The following SAP130 variants were observed in gnomAD, a reference collection of about 807,000 sequenced individuals.
SAP130 encodes the protein Sin3A associated protein 130.
Under a neutral mutation model 103.2 loss-of-function variants are expected in SAP130, and 16 were observed. The observed-to-expected ratio is 0.16, with a 90% CI of 0.10 to 0.24. SAP130 has a LOEUF of 0.24. SAP130 is among the 10% of genes least tolerant of loss of function. The pLI, the probability that SAP130 is intolerant of heterozygous loss-of-function variation, is 1.00. For missense variants in SAP130, 990 were observed against 1,359.7 expected (o/e 0.73, Z 4.28); for synonymous variants, 477 against 497.0 (o/e 0.96, Z 0.53).
chr2:128,026,420 AT>A, intron 1 of SAP130, 122 bp from the exon 2 acceptor site: 2 of 639,998 alleles, frequency 3.1e-6, no homozygotes, highest in East Asian at 5.2e-5. Context: ...TGCATCATTT[AT>A]TTAAAAACAA....
chr2:127,950,522 A>T, intron 16 of SAP130, 114 bp from the exon 17 acceptor site: 1 of 1,228,436 alleles, frequency 8.1e-7, no homozygotes, highest in Non-Finnish European at 1.1e-6. Context: ...ACCAACATTT[A>T]TTGTCTTCCT....
rs1324619858 is a variant in SAP130, at chr2:127,955,480, A to T, written c.2064-136T>A. 1.8e-5 allele frequency: 10 copies of T among 545,472 alleles called. No homozygotes were observed. Among genetic ancestry groups the T allele is most frequent in the Non-Finnish European group, 1.5e-5 (5 of 335,360 alleles). The allele number at this position is 545,472 out of a possible 1,614,324, so 33.8% of individuals were successfully genotyped here. A position where few individuals can be genotyped will look rare whatever the true frequency, so the allele number is the denominator to read the frequency against. On this transcript the variant is annotated intron_variant, in intron 15 of 20. Transcript: ENST00000643581. The surrounding 1 kb of genome is among the most constrained non-coding windows in gnomAD (Gnocchi z 4.9). Reference sequence around the variant, plus strand: ...AATTTATACTCTATTTCCTTTTTTTAAATTTTTAATTTTAAAAAAATTTTG... The same window carrying T: ...AATTTATACTCTATTTCCTTTTTTTTAATTTTTAATTTTAAAAAAATTTTG...
At chr2:128,025,070 A>C (rs926823015) in intron 2 of SAP130, among the ~76,000 whole-genome samples, 2 of 151,498 alleles carry the variant, frequency 1.3e-5, no homozygotes, top group African/African-American at 2.4e-5. Flanking sequence ...ATCATTTACC[A>C]TAAGGAACAC....
In SAP130 at chr2:128,000,232, G is replaced by A; in HGVS notation, c.1017+75C>T. ...ACAATCAATGCCTTCGGTATCACCA[G>A]GCCCTCAGCACATTTTGCCCACTTT... On this transcript the variant is annotated intron_variant, in intron 8 of 20. Coordinates refer to ENST00000643581, the MANE Select transcript of SAP130 (RefSeq NM_001330301.2). 1.1e-5 allele frequency: 18 copies of A among 1,606,128 alleles called. No individual in the cohort carries two copies. The South Asian group carries it at 1.8e-4, about 16-fold the overall frequency.
At position 127,942,334 on chromosome 2, in the gene SAP130, G is replaced by A. The variant is rs1450716925; in HGVS notation, c.3015+90C>T. 3 of 1,100,844 alleles carry A rather than the reference G, an allele frequency of 2.7e-6. No individual in the cohort carries two copies. Among genetic ancestry groups the A allele is most frequent in the African/African-American group, 3.1e-5 (2 of 64,730 alleles). The allele number at this position is 1,100,844 out of a possible 1,614,324, so 68.2% of individuals were successfully genotyped here. On this transcript the variant is annotated intron_variant, in intron 20 of 20. Coordinates refer to ENST00000643581, the MANE Select transcript of SAP130 (RefSeq NM_001330301.2). The surrounding 1 kb of genome is among the most constrained non-coding windows in gnomAD (Gnocchi z 4.8). The stretch of plus-strand genomic sequence containing the variant: ...GCACGTATGTTTTTACTGAAGATAT[G>A]AGGGAGACGGGGGGAAACGGGAGAA...
In SAP130 at chr2:127,941,474, C is replaced by A. The variant is rs919035727; in HGVS notation, c.*532G>T. On this transcript the variant is annotated 3_prime_UTR_variant, in exon 21 of 21. Coordinates refer to ENST00000643581, the MANE Select transcript of SAP130 (RefSeq NM_001330301.2). ...AATGACAAGAACTAATAGTTCAAAC[C>A]CTTTAGAGTGTGAGATGTGGCAGCT... is the stretch of plus-strand genomic sequence containing the variant. 6.5e-6 allele frequency: 1 copy of A among 153,640 alleles called. No individual in the cohort carries two copies. The highest frequency in any genetic ancestry group is 2.4e-5 in the African/African-American group (1 of 41,388). The allele number at this position is 153,640 out of a possible 1,614,324, so 9.5% of individuals were successfully genotyped here.
chr2:127,957,266 GCAC>G (rs1679906843), intron 15 of SAP130, among the ~76,000 whole-genome samples: 1 of 152,110 alleles, frequency 6.6e-6, no homozygotes, highest in Non-Finnish European at 1.5e-5. Flanking sequence ...TGTAACACTG[GCAC>G]TCCAGCCTGG....
chr2:127,962,333 A>G (rs1299890264), intron 15 of SAP130, among the ~76,000 whole-genome samples: 2 of 152,206 alleles, frequency 1.3e-5, no homozygotes, highest in African/African-American at 4.8e-5. Context: ...TTCCTCAGGG[A>G]TCTAGAACTA....
At chr2:128,009,156 A>T (rs1329883150) in intron 7 of SAP130, among the ~76,000 whole-genome samples, 2 of 151,962 alleles carry the variant, frequency 1.3e-5, no homozygotes, top group African/African-American at 2.4e-5. Flanking sequence ...TTCCTCAGAA[A>T]TCTTCTTGAC....
chr2:127,992,222 A>G (rs1186843421), intron 12 of SAP130, among the ~76,000 whole-genome samples: 1 of 150,116 alleles, frequency 6.7e-6, no homozygotes, highest in Non-Finnish European at 1.5e-5. Flanking sequence ...TCTGCCCACC[A>G]TGGCCTCCCA....
In SAP130 at chr2:127,955,870, G is replaced by A. The variant is rs1197477389; in HGVS notation, c.2064-526C>T. Among the ~76,000 whole-genome samples the A allele has an allele frequency of 2.0e-5, 3 of 152,130 alleles. No individual in the cohort carries two copies. The highest frequency in any genetic ancestry group is 7.2e-5 in the African/African-American group (3 of 41,404). On this transcript the variant is annotated intron_variant, in intron 15 of 20. Coordinates refer to ENST00000643581, the MANE Select transcript of SAP130 (RefSeq NM_001330301.2). The surrounding 1 kb of genome is among the most constrained non-coding windows in gnomAD (Gnocchi z 4.9). ...GTTTTAAAGATATACTGTATGTCCT[G>A]CTCCCAAGTTTTTATAAGCAGTAAT...
At position 127,978,101 on chromosome 2, in the gene SAP130, A is replaced by G. The variant is rs753732859; in HGVS notation, c.1959-12T>C. 3.4e-5 allele frequency: 52 copies of G among 1,547,188 alleles called. No individual in the cohort carries two copies. The highest frequency in any genetic ancestry group is 4.4e-5 in the Non-Finnish European group (50 of 1,143,038). ...TCCGAACTGCCATTCTGAAAGAGAC[A>G]AGAGACAAACCCGGAGAACAGCAGT... is the stretch of plus-strand genomic sequence containing the variant. On this transcript the variant is annotated splice_polypyrimidine_tract_variant and intron_variant, in intron 14 of 20. Transcript: ENST00000643581.
rs1046000664 is a variant in SAP130 at position 127,986,571 on chromosome 2, C to G, written c.1958+214G>C. ...TGCAACAGATGCTTACAAACTAACA[C>G]CTCACTGACTCCAGGATTTGTTAAG... On this transcript the variant is annotated intron_variant, in intron 14 of 20. Coordinates refer to ENST00000643581, the MANE Select transcript of SAP130 (RefSeq NM_001330301.2). The surrounding 1 kb of genome is among the most constrained non-coding windows in gnomAD (Gnocchi z 4.7). Among the ~76,000 whole-genome samples the G allele has an allele frequency of 6.6e-6, 1 of 152,178 alleles. No individual in the cohort carries two copies. The highest frequency in any genetic ancestry group is 2.4e-5 in the African/African-American group (1 of 41,446).
intron 15 of SAP130, among the ~76,000 whole-genome samples, chr2:127,974,522 T>A (rs1379902912): frequency 1.3e-5 from 2 of 152,152 alleles, no homozygotes; most frequent in Non-Finnish European, 2.9e-5. Context: ...CCCATAAGAT[T>A]ATAATTTCTG....
At chr2:128,017,945 T>C in intron 2 of SAP130, 30 bp from the exon 3 acceptor site, 1 of 1,558,730 alleles carries the variant, frequency 6.4e-7, no homozygotes, top group Non-Finnish European at 8.8e-7. Flanking sequence ...TGAGACAGTA[T>C]GTCACAGTCT....
At chr2:127,978,423 T>A (rs1478273022) in intron 14 of SAP130, among the ~76,000 whole-genome samples, 1 of 152,210 alleles carries the variant, frequency 6.6e-6, no homozygotes, top group Non-Finnish European at 1.5e-5. Context: ...TTATTAACAC[T>A]GACATCCATA....
intron 4 of SAP130, among the ~76,000 whole-genome samples, chr2:128,015,288 T>C (rs6430965): frequency 0.25 from 38,260 of 152,064 alleles, 5,055 homozygotes; most frequent in African/African-American, 0.33. Context: ...ACTGCATCCA[T>C]CCATTCTTTA....
intron 13 of SAP130, among the ~76,000 whole-genome samples, chr2:127,987,740 G>A (rs1447939046): frequency 6.6e-6 from 1 of 152,052 alleles, no homozygotes; most frequent in East Asian, 1.9e-4. Flanking sequence ...TACACTTCAA[G>A]AAATGTACTC....
intron 15 of SAP130, 111 bp downstream of exon 15, chr2:127,977,874 G>A (rs1004066084): frequency 2.4e-6 from 2 of 829,334 alleles, no homozygotes; most frequent in Non-Finnish European, 3.9e-6. Flanking sequence ...CTGCACTCCA[G>A]CCTGGGCTAT....
Sources: gnomAD v4.1 joint callset for allele counts (sites outside exome capture counted in the v4.1 genomes callset) on GRCh38, gnomAD v4.1.1 for gene constraint, Gnocchi (gnomAD v3.1) non-coding constraint, MANE v1.5 for transcripts, NCBI Gene and HGNC (gene_info 2026-07-23, HGNC 2026-07-21) for gene names.